Variants in FSD1L observed in about 807,000 individuals in gnomAD.
FSD1L encodes FSD1-like protein.
Under a neutral mutation model 71.6 loss-of-function variants are expected in FSD1L, and 45 were observed. The observed-to-expected ratio is 0.63, with a 90% CI of 0.49 to 0.81. The LOEUF (loss-of-function observed/expected upper bound fraction) is 0.81, where lower values mean the gene tolerates loss of function less well. Among genes scored for constraint, FSD1L ranks in the 30% least tolerant of loss-of-function variants. FSD1L has a pLI of 0.00. For synonymous variants in FSD1L, 197 were observed against 207.2 expected (o/e 0.95, Z 0.42); for missense variants, 561 against 618.1 (o/e 0.91, Z 0.98).
intron 10 of FSD1L, chr9:105,526,295 A>T: frequency 6.2e-7 from 1 of 1,607,948 alleles, no homozygotes; most frequent in East Asian, 2.2e-5. Context: ...ACATTTGAAG[A>T]TTTTGCAGCA....
intron 10 of FSD1L, among the ~76,000 whole-genome samples, chr9:105,533,416 C>CTTTTTTTTTTTTTTTTTTT: frequency 0.014 from 420 of 29,070 alleles, 153 homozygotes; most frequent in East Asian, 0.029. Context: ...CCATTTCCAT[C>CTTTTTTTTTTTTTTTTTTT]TTTTTTTTTT....
chr9:105,495,305 A>G (rs1486299470), intron 7 of FSD1L, among the ~76,000 whole-genome samples: 1 of 152,170 alleles, frequency 6.6e-6, no homozygotes, highest in African/African-American at 2.4e-5. Context: ...CCTCGGAGCC[A>G]GGTGCGGGAT....
At chr9:105,507,889 C>CT (rs200267374) in intron 8 of FSD1L, among the ~76,000 whole-genome samples, 21 of 109,212 alleles carry the variant, frequency 1.9e-4, no homozygotes, top group South Asian at 6.0e-4. Flanking sequence ...TATCACTCTT[C>CT]TTTTTTTTTT....
At chr9:105,498,518 T>C (rs1392302391) in intron 7 of FSD1L, among the ~76,000 whole-genome samples, 1 of 152,102 alleles carries the variant, frequency 6.6e-6, no homozygotes, top group African/African-American at 2.4e-5. Flanking sequence ...TATCTAAACA[T>C]ATCTAAACTT....
intron 9 of FSD1L, among the ~76,000 whole-genome samples, chr9:105,510,076 T>C (rs1834306425): frequency 6.6e-6 from 1 of 152,238 alleles, no homozygotes; most frequent in Non-Finnish European, 1.5e-5. Flanking sequence ...GCAAATTTCA[T>C]AGATACAGGA....
Position 105,479,357 on chromosome 9 carries a change from G to T in FSD1L, c.445G>T (p.Ala149Ser), listed in dbSNP as rs1276558674. ...IKEPEEFSKA[A>S]RQIKDRVTMA... ...CTTCTCCCTGATTGGCTCCAAGGCTGCCAGACAGATCAAGGATAGGTATGG... is the reference window on the plus strand; with the variant it reads ...CTTCTCCCTGATTGGCTCCAAGGCTTCCAGACAGATCAAGGATAGGTATGG... Residue 149 changes from alanine (A) to serine (S), a missense_variant, in exon 6 of 14, where the codon GCC (alanine) becomes TCC (serine). Transcript: ENST00000481272. 1.9e-6 allele frequency: 3 copies of T among 1,550,458 alleles called. No individual in the cohort carries two copies. Among genetic ancestry groups the T allele is most frequent in the Non-Finnish European group, 2.6e-6 (3 of 1,146,280 alleles).
chr9:105,526,588 T>C (rs547392111), intron 10 of FSD1L, among the ~76,000 whole-genome samples: 2 of 152,358 alleles, frequency 1.3e-5, no homozygotes, highest in Non-Finnish European at 2.9e-5. Flanking sequence ...AACATAGGGT[T>C]AACCCTTTCA....
At chr9:105,491,702 G>A (rs1437150918) in intron 7 of FSD1L, among the ~76,000 whole-genome samples, 1 of 151,990 alleles carries the variant, frequency 6.6e-6, no homozygotes, top group Non-Finnish European at 1.5e-5. Context: ...AGAGTTTTTA[G>A]CATGAAGGGT....
chr9:105,543,501 G>C (rs57432946), intron 13 of FSD1L, among the ~76,000 whole-genome samples: 41,210 of 151,946 alleles, frequency 0.27, 5,808 homozygotes, highest in Non-Finnish European at 0.31. Context: ...TGTTATATAT[G>C]TATACATGTG....
rs1363422118 is a variant in FSD1L at position 105,452,652 on chromosome 9, TGCC to T, written c.15+4418_15+4420del. Among the ~76,000 whole-genome samples the T allele has an allele frequency of 2.2e-3, 280 of 128,720 alleles. 1 individual carries two copies. The highest frequency in any genetic ancestry group is 7.2e-3 in the African/African-American group (245 of 34,210). The allele number at this position is 128,720 out of a possible 152,430, so 84.4% of individuals were successfully genotyped here. A position where few individuals can be genotyped will look rare whatever the true frequency, so the allele number is the denominator to read the frequency against. The stretch of plus-strand genomic sequence containing the variant: ...TCGCCTGCCTGCCTGCCTGCCTGCC[TGCC>T]TGCCTGCCTGCCTGCCTTCCTTCCT... On this transcript the variant is annotated intron_variant, in intron 1 of 13. Transcript: ENST00000481272.
chr9:105,451,385 C>T lies in FSD1L; in HGVS notation c.15+3150C>T, dbSNP rs117422558. Among the ~76,000 whole-genome samples, 689 of 152,346 alleles carry T rather than the reference C, an allele frequency of 4.5e-3. 8 individuals carry two copies. The highest frequency in any genetic ancestry group is 0.02 in the Middle Eastern group (6 of 294). ...GTTTGGAAGTTCTGAGTCATGCAGT[C>T]TGACAGTAGAGGTTAACTTAACTAG... is the stretch of plus-strand genomic sequence containing the variant. On this transcript the variant is annotated intron_variant, in intron 1 of 13. Transcript: ENST00000481272.
chr9:105,535,035 T>C (rs1422688737), intron 11 of FSD1L, 32 bp from the exon 12 acceptor site: 2 of 1,550,506 alleles, frequency 1.3e-6, no homozygotes, highest in Non-Finnish European at 8.7e-7. Context: ...AAGGAAGAGA[T>C]GAGTCAAATC....
intron 1 of FSD1L, among the ~76,000 whole-genome samples, chr9:105,460,783 C>A (rs1473056312): frequency 2.0e-5 from 3 of 152,226 alleles, no homozygotes; most frequent in South Asian, 2.1e-4. Flanking sequence ...TTTGCACTTT[C>A]TGTGATCCCA....
intron 10 of FSD1L, chr9:105,530,376 T>G (rs531644559): frequency 2.5e-5 from 12 of 472,638 alleles, no homozygotes; most frequent in African/African-American, 2.0e-4. Context: ...GACTTAGGAT[T>G]GGAAGTCTGG....
At chr9:105,458,668 A>G (rs1041510678) in intron 1 of FSD1L, among the ~76,000 whole-genome samples, 2 of 152,210 alleles carry the variant, frequency 1.3e-5, no homozygotes, top group African/African-American at 2.4e-5. Context: ...ACTGAAAGGC[A>G]TAAAGGAAAT....
chr9:105,501,119 T>C (rs1833730873), intron 7 of FSD1L, among the ~76,000 whole-genome samples: 1 of 152,214 alleles, frequency 6.6e-6, no homozygotes, highest in Non-Finnish European at 1.5e-5. Context: ...AGTCTTAGTG[T>C]TGGACTTGAA....
intron 9 of FSD1L, 27 bp from the exon 10 acceptor site, chr9:105,512,780 A>G: frequency 7.7e-7 from 1 of 1,301,168 alleles, no homozygotes; most frequent in South Asian, 1.7e-5. Flanking sequence ...ATATTTTAAA[A>G]ATATATTTAA....
intron 4 of FSD1L, among the ~76,000 whole-genome samples, chr9:105,468,956 A>G (rs1184832635): frequency 6.6e-6 from 1 of 152,166 alleles, no homozygotes; most frequent in Non-Finnish European, 1.5e-5. Context: ...GCCCCTGGCA[A>G]TCATCATGTT....
intron 6 of FSD1L, among the ~76,000 whole-genome samples, chr9:105,480,625 C>T (rs183396520): frequency 2.0e-5 from 3 of 152,228 alleles, no homozygotes; most frequent in Non-Finnish European, 4.4e-5. Context: ...GTATATTTTA[C>T]ATCAGGCAGT....
Sources: allele counts gnomAD v4.1 joint callset (sites outside exome capture counted in the v4.1 genomes callset), GRCh38; gene constraint gnomAD v4.1.1; transcripts MANE v1.5; gene names NCBI Gene and HGNC (gene_info 2026-07-23, HGNC 2026-07-21).